POLR2B: variants seen among roughly 807,000 people sequenced by gnomAD.
POLR2B encodes the protein DNA-directed RNA polymerase II subunit RPB2.
In POLR2B, 57 loss-of-function variants were observed where a neutral mutation model predicts 144.6. The ratio of observed to expected loss-of-function variants is 0.39; its 90% CI spans 0.32 to 0.49. The LOEUF (loss-of-function observed/expected upper bound fraction) is 0.49. POLR2B is among the 20% of genes least tolerant of loss of function. POLR2B has a pLI of 0.83. For synonymous variants in POLR2B, 442 were observed against 469.8 expected, an observed-to-expected ratio of 0.94 and a Z score of 0.77; for missense variants, 595 against 1,467.4, an observed-to-expected ratio of 0.41 and a Z score of 9.71.
intron 1 of POLR2B, among the ~76,000 whole-genome samples, chr4:56,980,058 A>G (rs2109634003): frequency 6.6e-6 from 1 of 151,782 alleles, no homozygotes; most frequent in East Asian, 1.9e-4. Flanking sequence ...CTTCTGATAA[A>G]TCAGATGGAA....
chr4:57,030,549 A>T (rs991480140), intron 24 of POLR2B, 150 bp downstream of exon 24: 4 of 612,364 alleles, frequency 6.5e-6, no homozygotes, highest in Non-Finnish European at 1.1e-5. Flanking sequence ...TAAATAAGGA[A>T]AAGATAATTT....
chr4:56,995,320 G>A lies in POLR2B; in HGVS notation c.646G>A (p.Ala216Thr). The stretch of plus-strand genomic sequence containing the variant: ...GTTTGCCAAAAAGGATTCTAAATAT[G>A]CCTACACAGGAGAGTGTAGATCATG... ...YVFAKKDSKY[A>T]YTGECRSCLE... Residue 216 changes from alanine to threonine, a missense_variant, in exon 6 of 25, where the codon GCC (alanine) becomes ACC (threonine). Physicochemically the swap from Ala to Thr is moderately conservative, Grantham distance 58. Transcript: ENST00000314595. The A allele has an allele frequency of 6.2e-7, 1 of 1,608,380 alleles. No individual in the cohort carries two copies. The highest frequency in any genetic ancestry group is 1.1e-5 in the South Asian group (1 of 90,932).
chr4:56,995,679 C>G (rs771863154), intron 6 of POLR2B, among the ~76,000 whole-genome samples: 1 of 152,174 alleles, frequency 6.6e-6, no homozygotes, highest in Non-Finnish European at 1.5e-5. Context: ...CCTGGGCTGC[C>G]GTAATCTCAA....
chr4:56,992,875 G>C (rs1018313529), intron 3 of POLR2B, among the ~76,000 whole-genome samples: 1 of 152,022 alleles, frequency 6.6e-6, no homozygotes, highest in African/African-American at 2.4e-5. Flanking sequence ...AGGAAGATAA[G>C]ATGGAACCCG....
chr4:57,025,638 C>T lies in POLR2B; in HGVS notation c.3239+101C>T, dbSNP rs554947346. On this transcript the variant is annotated intron_variant, in intron 23 of 24. Transcript: ENST00000314595. ...AGTGGTATAGTGAATGCCTGTGTGC[C>T]TGTTACCCCCATTTCAACAATTATC... is the stretch of plus-strand genomic sequence containing the variant. 4 of 706,846 alleles carry T rather than the reference C, an allele frequency of 5.7e-6. No homozygotes were observed. The South Asian group carries it at 7.8e-5, about 14-fold the overall frequency. 43.8% of individuals were successfully genotyped at this position (706,846 alleles called of 1,614,324 possible). A position where few individuals can be genotyped will look rare whatever the true frequency, so the allele number is the denominator to read the frequency against.
Position 57,023,606 on chromosome 4 carries a change from T to A in POLR2B, c.2766+26T>A. 6.2e-7 allele frequency: 1 copy of A among 1,612,384 alleles called. No homozygotes were observed. The highest frequency in any genetic ancestry group is 8.5e-7 in the Non-Finnish European group (1 of 1,178,652). On this transcript the variant is annotated intron_variant, in intron 19 of 24. Coordinates refer to ENST00000314595, the MANE Select transcript of POLR2B (RefSeq NM_000938.3). The surrounding 1 kb of genome is among the most constrained non-coding windows in gnomAD (Gnocchi z 4.3). The stretch of plus-strand genomic sequence containing the variant: ...GTGAGTACAACTTTGTTCATGTAGC[T>A]AGTTTTAGAAAGTAAACCAAATCCA...
chr4:56,990,966 A>T, intron 3 of POLR2B, 68 bp downstream of exon 3: 2 of 1,384,970 alleles, frequency 1.4e-6, no homozygotes, highest in Non-Finnish European at 2.0e-6. Flanking sequence ...CCCTTCTCTT[A>T]CCTGGCTTAA....
At chr4:57,007,514 C>T (rs550683494) in intron 10 of POLR2B, among the ~76,000 whole-genome samples, 8 of 152,230 alleles carry the variant, frequency 5.3e-5, no homozygotes, top group African/African-American at 1.9e-4. Flanking sequence ...TTTTGGCTTG[C>T]AGTTTAGAAA....
In POLR2B at chr4:57,010,538, G is replaced by C. The variant is rs775570347; in HGVS notation, c.1548+34G>C. On this transcript the variant is annotated intron_variant, in intron 11 of 24. Transcript: ENST00000314595. ...TTAGAATTTACATTCAGGACAAAAA[G>C]TCAGTGGGTAATTATGTAGGGCATA... 20 of 1,592,148 alleles carry C rather than the reference G, an allele frequency of 1.3e-5. No individual in the cohort carries two copies. The South Asian group carries it at 2.3e-4, about 18-fold the overall frequency.
intron 22 of POLR2B, 78 bp downstream of exon 22, chr4:57,025,077 C>A: frequency 1.3e-6 from 1 of 742,412 alleles, no homozygotes; most frequent in Non-Finnish European, 2.3e-6. Flanking sequence ...AACAATGTAA[C>A]CTTTTATTGA....
rs1413434483 is a variant in POLR2B, at chr4:56,995,239, T to C, written c.577-12T>C. The C allele has an allele frequency of 3.2e-6, 5 of 1,586,604 alleles. No individual in the cohort carries two copies. In the East Asian group the frequency reaches 9.0e-5, roughly 29 times the overall value. On this transcript the variant is annotated splice_polypyrimidine_tract_variant and intron_variant, in intron 5 of 24. Transcript: ENST00000314595. ...GGATTTTATGGCTGTAACTTTCTTATTGTCCAAATAGGTTCTGATTGCCCA... is the reference window on the plus strand; with the variant it reads ...GGATTTTATGGCTGTAACTTTCTTACTGTCCAAATAGGTTCTGATTGCCCA...
chr4:56,996,260 G>GTA (rs747288554), intron 6 of POLR2B, among the ~76,000 whole-genome samples: 1,760 of 71,704 alleles, frequency 0.025, 128 homozygotes, highest in African/African-American at 0.035. Context: ...GTGTGTGTGT[G>GTA]TGTATATATA....
chr4:57,009,598 G>A (rs1373591212), intron 10 of POLR2B: 1 of 151,962 alleles, frequency 6.6e-6, no homozygotes, highest in Non-Finnish European at 1.5e-5. Context: ...GGAAGGGAGG[G>A]GCTAGGTTTT....
rs1233720932 is a variant in POLR2B at position 57,029,130 on chromosome 4, G to GT, written c.3240-1071dup. Among the ~76,000 whole-genome samples, 3 of 152,000 alleles carry GT rather than the reference G, an allele frequency of 2.0e-5. No individual in the cohort carries two copies. The South Asian group carries it at 6.2e-4, about 32-fold the overall frequency. Reference sequence around the variant, plus strand: ...TAGATCTTGAGGCTTGAGATTTAGCGTTTGAGTTTTTTGGCAGTAATACTT... The same window carrying GT: ...TAGATCTTGAGGCTTGAGATTTAGCGTTTTGAGTTTTTTGGCAGTAATACTT... On this transcript the variant is annotated intron_variant, in intron 23 of 24. Transcript: ENST00000314595.
intron 10 of POLR2B, 84 bp from the exon 11 acceptor site, chr4:57,010,277 T>G (rs1419340080): frequency 8.7e-7 from 1 of 1,144,958 alleles, no homozygotes; most frequent in African/African-American, 1.5e-5. Context: ...CAGTAGATTA[T>G]ATGTAAAAAT....
At chr4:57,012,180 G>A (rs1036736946) in intron 13 of POLR2B, among the ~76,000 whole-genome samples, 8 of 152,070 alleles carry the variant, frequency 5.3e-5, no homozygotes, top group African/African-American at 1.4e-4. Flanking sequence ...TGAGGCAGGC[G>A]GATCACTTGA....
Position 57,010,999 on chromosome 4 carries a change from A to G in POLR2B, c.1699A>G (p.Ile567Val). Reference protein sequence around the residue: ...SPAAIADATKIFVNGCWVGIH... With the variant: ...SPAAIADATKVFVNGCWVGIH... The stretch of plus-strand genomic sequence containing the variant: ...GCTTTTTCATTGTAGTGCAACCAAG[A>G]TTTTTGTTAATGGCTGCTGGGTTGG... Residue 567 changes from isoleucine to valine, a missense_variant, in exon 13 of 25, where the codon ATT becomes GTT. This residue lies in a region of POLR2B where 29 missense variants were observed against 69.3 expected (regional missense o/e 0.42). Transcript: ENST00000314595. 6.2e-7 allele frequency: 1 copy of G among 1,613,938 alleles called. No individual in the cohort carries two copies. Among genetic ancestry groups the G allele is most frequent in the Non-Finnish European group, 8.5e-7 (1 of 1,179,802 alleles).
rs183848100 is a variant in POLR2B at position 56,984,296 on chromosome 4, C to G, written c.20-2058C>G. ...CTTGTCTGTGTATAATCTCATTTTT[C>G]TCCCACCCATTTGTTAATGATTCCA... is the stretch of plus-strand genomic sequence containing the variant. On this transcript the variant is annotated intron_variant, in intron 1 of 24. Transcript: ENST00000314595. Among the ~76,000 whole-genome samples the G allele has an allele frequency of 3.5e-4, 53 of 151,820 alleles. 1 individual carries two copies. Among genetic ancestry groups the G allele is most frequent in the Admixed American group, 2.5e-3 (38 of 15,218 alleles).
chr4:56,988,848 G>T (rs1406779862), intron 2 of POLR2B, among the ~76,000 whole-genome samples: 1 of 152,034 alleles, frequency 6.6e-6, no homozygotes, highest in Non-Finnish European at 1.5e-5. Flanking sequence ...CATTCTCCCG[G>T]TAGAAAAAAT....
Sources: allele counts gnomAD v4.1 joint callset (sites outside exome capture counted in the v4.1 genomes callset), GRCh38; gene constraint gnomAD v4.1.1; regional missense constraint gnomAD v4.1.1; non-coding constraint Gnocchi (gnomAD v3.1); transcripts MANE v1.5; gene names NCBI Gene and HGNC (gene_info 2026-07-23, HGNC 2026-07-21).